The following GPHN variants were observed in gnomAD, a reference collection of about 807,000 sequenced individuals.
The protein encoded by GPHN is gephyrin.
GPHN carries 17 observed loss-of-function variants against 95.5 expected under a neutral mutation model. The observed-to-expected ratio is 0.18, with a 90% confidence interval of 0.12 to 0.27. GPHN has a LOEUF of 0.27. GPHN is among the 10% of genes least tolerant of loss of function. The pLI is 1.00. For missense variants in GPHN, 660 were observed against 978.1 expected, an observed-to-expected ratio of 0.67 and a Z score of 4.34; for synonymous variants, 320 against 322.5, an observed-to-expected ratio of 0.99 and a Z score of 0.08.
the GPHN span, chr14:67,390,623 C>T: frequency 2.1e-6 from 3 of 1,418,522 alleles, no homozygotes; most frequent in Admixed American, 1.7e-5. Context: ...CTGGGGGCAT[C>T]ACAACATGGG....
intron 2 of GPHN, among the ~76,000 whole-genome samples, chr14:66,688,539 T>G (rs1296923054): frequency 4.6e-5 from 7 of 152,242 alleles, no homozygotes; most frequent in Admixed American, 4.6e-4. Flanking sequence ...TTTTTTACCT[T>G]GATTTTCTGT....
chr14:67,320,340 G>A, the GPHN span: 1 of 1,613,328 alleles, frequency 6.2e-7, no homozygotes, highest in South Asian at 1.1e-5. Context: ...TGGCCAGAAT[G>A]AATTGCGTCA....
the GPHN span, among the ~76,000 whole-genome samples, chr14:67,319,847 A>G: frequency 1.7e-3 from 255 of 152,292 alleles, 6 homozygotes; most frequent in East Asian, 0.044. Flanking sequence ...ATTATGTCTG[A>G]TTCTTAAAAC....
chr14:67,433,318 T>G, the GPHN span, among the ~76,000 whole-genome samples: 6 of 151,960 alleles, frequency 3.9e-5, no homozygotes, highest in Non-Finnish European at 8.8e-5. Context: ...AGCATGAGAA[T>G]GAGAGTAAGA....
the GPHN span, among the ~76,000 whole-genome samples, chr14:67,257,502 T>G: frequency 6.6e-6 from 1 of 152,122 alleles, no homozygotes; most frequent in Non-Finnish European, 1.5e-5. Flanking sequence ...GTATTAGTGA[T>G]TTAAATAAAA....
chr14:67,169,211 C>G, intron 21 of GPHN, 175 bp downstream of exon 21: 1 of 628,394 alleles, frequency 1.6e-6, no homozygotes, highest in South Asian at 1.9e-5. Flanking sequence ...CTTTAATTCT[C>G]CTACTTCATG....
At chr14:67,316,200 G>A in the GPHN span, among the ~76,000 whole-genome samples, 7 of 152,028 alleles carry the variant, frequency 4.6e-5, 1 homozygote, top group South Asian at 6.2e-4. Context: ...AGTAGAAGTC[G>A]GAAAAGAAAA....
At chr14:67,229,618 A>C in the GPHN span, among the ~76,000 whole-genome samples, 1 of 152,262 alleles carries the variant, frequency 6.6e-6, no homozygotes, top group Non-Finnish European at 1.5e-5. Context: ...GATATACCAT[A>C]AGTGTAAAAT....
chr14:66,561,699 A>G (rs776655547), intron 1 of GPHN, among the ~76,000 whole-genome samples: 4 of 152,184 alleles, frequency 2.6e-5, no homozygotes, highest in African/African-American at 7.2e-5. Context: ...CATTAATTTA[A>G]AAAACAAAAG....
At chr14:67,694,854 G>C in the GPHN span, among the ~76,000 whole-genome samples, 1 of 152,168 alleles carries the variant, frequency 6.6e-6, no homozygotes, top group African/African-American at 2.4e-5. Context: ...GGGAAGGAGT[G>C]TGTCTGTCTA....
chr14:67,360,127 T>A, the GPHN span: 3 of 420,000 alleles, frequency 7.1e-6, no homozygotes, highest in Admixed American at 1.3e-4. Flanking sequence ...GATTCATTCT[T>A]CAGAGGCAAG....
intron 1 of GPHN, among the ~76,000 whole-genome samples, chr14:66,510,374 CT>C (rs2139670630): frequency 6.6e-6 from 1 of 152,294 alleles, no homozygotes; most frequent in East Asian, 1.9e-4. Context: ...ACATTTTCTA[CT>C]TAAGCTTTCC....
At chr14:66,906,439 A>G (rs898253421) in intron 5 of GPHN, among the ~76,000 whole-genome samples, 1 of 152,170 alleles carries the variant, frequency 6.6e-6, no homozygotes, top group African/African-American at 2.4e-5. Flanking sequence ...ATGTTAAAAC[A>G]GTAAGTTAGA....
In GPHN at chr14:66,816,719, G is replaced by A. The variant is rs183717337; in HGVS notation, c.202-7755G>A. Among the ~76,000 whole-genome samples, 215 of 152,226 alleles carry A rather than the reference G, an allele frequency of 1.4e-3. 1 individual carries two copies. The highest frequency in any genetic ancestry group is 2.3e-3 in the Non-Finnish European group (155 of 67,986). ...AAGTTAGAAAGATCTCCAGTTAACA[G>A]TCTAACATCACAACTAAAAAGAACT... On this transcript the variant is annotated intron_variant, in intron 3 of 22. Transcript: ENST00000478722.
chr14:66,591,651 A>G (rs917163636), intron 1 of GPHN, among the ~76,000 whole-genome samples: 10 of 152,224 alleles, frequency 6.6e-5, no homozygotes, highest in African/African-American at 2.4e-4. Flanking sequence ...CAAGGAAATA[A>G]GAGAGGACAC....
chr14:66,638,455 G>A (rs945260313), intron 1 of GPHN, among the ~76,000 whole-genome samples: 3 of 151,886 alleles, frequency 2.0e-5, no homozygotes, highest in African/African-American at 7.3e-5. Flanking sequence ...GAACAACAAC[G>A]ACAACAACAA....
the GPHN span, among the ~76,000 whole-genome samples, chr14:67,313,304 A>G: frequency 6.6e-6 from 1 of 152,330 alleles, no homozygotes; most frequent in African/African-American, 2.4e-5. Flanking sequence ...AACGACAGGG[A>G]TAAGTTCTGA....
chr14:66,520,021 T>C (rs548966996), intron 1 of GPHN, among the ~76,000 whole-genome samples: 1 of 152,244 alleles, frequency 6.6e-6, no homozygotes, highest in South Asian at 2.1e-4. Flanking sequence ...CTTTGGCATG[T>C]CAGAATTATT....
the GPHN span, among the ~76,000 whole-genome samples, chr14:67,595,593 A>G: frequency 6.6e-6 from 1 of 152,352 alleles, no homozygotes; most frequent in Non-Finnish European, 1.5e-5. Context: ...AACTCTGGCC[A>G]ATGAAATGTG....
Sources: allele counts gnomAD v4.1 joint callset (sites outside exome capture counted in the v4.1 genomes callset), GRCh38; gene constraint gnomAD v4.1.1; transcripts MANE v1.5; gene names NCBI Gene and HGNC (gene_info 2026-07-23, HGNC 2026-07-21).